SH3BP4: variants seen among roughly 807,000 people sequenced by gnomAD.
SH3BP4 encodes the protein SH3 domain-binding protein 4.
In SH3BP4, 33 loss-of-function variants were observed where a neutral mutation model predicts 65.5. The ratio of observed to expected loss-of-function variants is 0.50; its 90% CI spans 0.38 to 0.67. The LOEUF is 0.67. SH3BP4 is among the 30% of genes least tolerant of loss of function. The pLI, the probability that SH3BP4 is intolerant of heterozygous loss-of-function variation, is 0.00. For missense variants in SH3BP4, 1,134 were observed against 1,261.4 expected (o/e 0.90, Z 1.53); for synonymous variants, 552 against 545.5 (o/e 1.01, Z -0.17).
intron 1 of SH3BP4, among the ~76,000 whole-genome samples, chr2:234,972,313 T>C (rs1013506756): frequency 2.6e-5 from 4 of 151,944 alleles, no homozygotes; most frequent in Admixed American, 1.3e-4. Flanking sequence ...TGTATTTTTT[T>C]AGTAGAGACA....
At chr2:234,961,335 G>A (rs557967900) in intron 1 of SH3BP4, among the ~76,000 whole-genome samples, 15 of 152,216 alleles carry the variant, frequency 9.9e-5, no homozygotes, top group East Asian at 1.9e-4. Context: ...GCAGTGGTGC[G>A]ATCTTGGCTC....
intron 4 of SH3BP4, among the ~76,000 whole-genome samples, chr2:235,044,391 G>A (rs1184214013): frequency 5.9e-5 from 9 of 152,250 alleles, no homozygotes; most frequent in South Asian, 2.1e-4. Flanking sequence ...GGGTCCTGGC[G>A]GTTACCTTGG....
intron 2 of SH3BP4, among the ~76,000 whole-genome samples, chr2:235,031,723 C>T (rs998864673): frequency 6.6e-6 from 1 of 152,240 alleles, no homozygotes; most frequent in African/African-American, 2.4e-5. Flanking sequence ...TCTCACTGAA[C>T]ACTCACTGGC....
chr2:235,001,929 C>T lies in SH3BP4; in HGVS notation c.-133+6553C>T, dbSNP rs112030666. Among the ~76,000 whole-genome samples the T allele has an allele frequency of 8.8e-3, 1,338 of 152,134 alleles. 14 individuals carry two copies. Among genetic ancestry groups the T allele is most frequent in the African/African-American group, 0.028 (1,151 of 41,490 alleles). On this transcript the variant is annotated intron_variant, in intron 2 of 5. Transcript: ENST00000392011. ...AGGCTGGAGTGCGGTGGCGCAATCT[C>T]ACCTCACTGCAACCTCCGCCTCCCG...
chr2:234,981,662 G>A (rs920282902), intron 1 of SH3BP4: 1 of 152,070 alleles, frequency 6.6e-6, no homozygotes, highest in Non-Finnish European at 1.5e-5. Flanking sequence ...GGATTCTTTG[G>A]TAACAATCTG....
At position 235,035,092 on chromosome 2, in the gene SH3BP4, T is replaced by C; in HGVS notation, c.90T>C (p.Phe30=). 1 of 1,614,004 alleles carries C rather than the reference T, an allele frequency of 6.2e-7. No homozygotes were observed. Among genetic ancestry groups the C allele is most frequent in the Non-Finnish European group, 8.5e-7 (1 of 1,179,880 alleles). The part of the protein sequence containing the change: ...EGTLIDLSEG[F]SETSFNDIKV... ...CCCTGATTGACCTGAGCGAAGGGTTTTCAGAGACGAGCTTTAATGACATCA... is the reference window on the plus strand; with the variant it reads ...CCCTGATTGACCTGAGCGAAGGGTTCTCAGAGACGAGCTTTAATGACATCA... The change falls in exon 3 of 6, where the codon TTT becomes TTC. Residue 30 remains phenylalanine (F), a synonymous_variant. Transcript: ENST00000392011. This position sits in a 1 kb window ranked among gnomAD's most constrained non-coding sequence, Gnocchi z 5.0.
intron 2 of SH3BP4, chr2:235,008,661 C>G (rs1004163498): frequency 1.3e-5 from 2 of 152,162 alleles, no homozygotes; most frequent in African/African-American, 2.4e-5. Flanking sequence ...TCTCCCTACT[C>G]GCTGTAAAAA....
At chr2:235,032,139 T>C (rs1242502838) in intron 2 of SH3BP4, among the ~76,000 whole-genome samples, 1 of 152,202 alleles carries the variant, frequency 6.6e-6, no homozygotes, top group African/African-American at 2.4e-5. Context: ...GTTTGGCCAC[T>C]GTGACCCAGA....
Position 234,997,995 on chromosome 2 carries a change from C to T in SH3BP4, c.-133+2619C>T, listed in dbSNP as rs1335665500. On this transcript the variant is annotated intron_variant, in intron 2 of 5. Coordinates refer to ENST00000392011, the MANE Select transcript of SH3BP4 (RefSeq NM_014521.3). This position sits in a 1 kb window ranked among gnomAD's most constrained non-coding sequence, Gnocchi z 4.2. ...AAAATTAGCCGGGCGTGGTGGTGGG[C>T]GCCTATAGTCCCAGCTACTTGGGAG... is the stretch of plus-strand genomic sequence containing the variant. 6.6e-6 allele frequency among the ~76,000 whole-genome samples: 1 copy of T among 151,990 alleles called. No individual in the cohort carries two copies. Among genetic ancestry groups the T allele is most frequent in the African/African-American group, 2.4e-5 (1 of 41,384 alleles).
intron 2 of SH3BP4, among the ~76,000 whole-genome samples, chr2:235,032,759 G>A (rs576224321): frequency 6.6e-6 from 1 of 152,230 alleles, no homozygotes; most frequent in Admixed American, 6.5e-5. Flanking sequence ...CCCCAGCAGA[G>A]GGGTGGAGTG....
In SH3BP4 at chr2:234,997,320, C is replaced by A. The variant is rs1192980637; in HGVS notation, c.-133+1944C>A. Among the ~76,000 whole-genome samples the A allele has an allele frequency of 1.3e-5, 2 of 152,186 alleles. No individual in the cohort carries two copies. The highest frequency in any genetic ancestry group is 2.9e-5 in the Non-Finnish European group (2 of 68,028). ...TGGGGGTCAGTGAGAGACACGGCTA[C>A]CCAGGGTTTCCATTTCCAGGCCCCG... On this transcript the variant is annotated intron_variant, in intron 2 of 5. Transcript: ENST00000392011. This position sits in a 1 kb window ranked among gnomAD's most constrained non-coding sequence, Gnocchi z 4.2.
chr2:235,036,538 G>A (rs1467495385), intron 3 of SH3BP4, among the ~76,000 whole-genome samples: 6 of 152,020 alleles, frequency 3.9e-5, no homozygotes, highest in East Asian at 1.9e-4. Flanking sequence ...GGCGGATCAC[G>A]AGGTCAGGAG....
chr2:235,051,748 C>A (rs567885021), intron 4 of SH3BP4, among the ~76,000 whole-genome samples: 2 of 152,106 alleles, frequency 1.3e-5, no homozygotes, highest in East Asian at 3.9e-4. Context: ...TGCCTGAGTC[C>A]CCCAGCCTTC....
Position 235,034,633 on chromosome 2 carries a change from C to T in SH3BP4, c.-132-238C>T, listed in dbSNP as rs747719002. Among the ~76,000 whole-genome samples the T allele has an allele frequency of 6.6e-6, 1 of 152,196 alleles. No individual in the cohort carries two copies. The highest frequency in any genetic ancestry group is 1.5e-5 in the Non-Finnish European group (1 of 68,046). ...CCCTAAGAAGAGCAGGTGCAAACAG[C>T]CGGCCAGAAAACACTGCTTGGGCTG... On this transcript the variant is annotated intron_variant, in intron 2 of 5. Transcript: ENST00000392011. This position sits in a 1 kb window ranked among gnomAD's most constrained non-coding sequence, Gnocchi z 6.2.
At chr2:235,007,936 T>G (rs11695169) in intron 2 of SH3BP4, among the ~76,000 whole-genome samples, 16,894 of 152,078 alleles carry the variant, frequency 0.11, 1,425 homozygotes, top group East Asian at 0.28. Flanking sequence ...TCAAGGGCAG[T>G]CAGGGGAGGA....
intron 2 of SH3BP4, among the ~76,000 whole-genome samples, chr2:235,006,329 A>G (rs6732999): frequency 0.54 from 82,314 of 152,078 alleles, 25,024 homozygotes; most frequent in African/African-American, 0.81. Context: ...TTGCTGCCCC[A>G]GGGGGTATCA....
chr2:235,006,619 C>G (rs551161909), intron 2 of SH3BP4, among the ~76,000 whole-genome samples: 1 of 152,312 alleles, frequency 6.6e-6, no homozygotes, highest in East Asian at 1.9e-4. Flanking sequence ...CCCCCTCGCT[C>G]TGCTTTGCCA....
chr2:235,000,466 G>A (rs535889140), intron 2 of SH3BP4, among the ~76,000 whole-genome samples: 1 of 152,282 alleles, frequency 6.6e-6, no homozygotes, highest in Non-Finnish European at 1.5e-5. Flanking sequence ...GTCAGAGGAG[G>A]GATTAGCATG....
At position 235,042,874 on chromosome 2, in the gene SH3BP4, G is replaced by C. The variant is rs770185239; in HGVS notation, c.2105G>C (p.Trp702Ser). Residue 702 changes from tryptophan (W) to serine (S), a missense_variant, in exon 4 of 6, where the codon TGG becomes TCG. Transcript: ENST00000392011. The surrounding 1 kb of genome is among the most constrained non-coding windows in gnomAD (Gnocchi z 7.3). ...RLRGQLWTKE[W>S]YIGYYQGRVG... Reference sequence around the variant, plus strand: ...CGGGGCCAGCTGTGGACCAAGGAGTGGTACATCGGCTACTACCAGGGCAGG... The same window carrying C: ...CGGGGCCAGCTGTGGACCAAGGAGTCGTACATCGGCTACTACCAGGGCAGG... The C allele has an allele frequency of 3.1e-6, 5 of 1,613,650 alleles. No homozygotes were observed. The highest frequency in any genetic ancestry group is 4.2e-6 in the Non-Finnish European group (5 of 1,179,958).
Sources: allele counts gnomAD v4.1 joint callset (sites outside exome capture counted in the v4.1 genomes callset), GRCh38; gene constraint gnomAD v4.1.1; non-coding constraint Gnocchi (gnomAD v3.1); transcripts MANE v1.5; gene names NCBI Gene and HGNC (gene_info 2026-07-23, HGNC 2026-07-21).